The following EXOC6 variants were observed in gnomAD, a reference collection of about 807,000 sequenced individuals.
EXOC6 encodes exocyst complex component 6, also known as SEC15-like 1.
EXOC6 carries 60 observed loss-of-function variants against 112.5 expected under a neutral mutation model. That is an observed-to-expected ratio of 0.53 (90% CI 0.43 to 0.66). The LOEUF is 0.66. Ranked by LOEUF, EXOC6 falls within the 30% of genes least tolerant of loss-of-function variation. The pLI, the probability that EXOC6 is intolerant of heterozygous loss-of-function variation, is 0.00. For missense variants in EXOC6, 855 were observed against 957.1 expected (o/e 0.89, Z 1.41); for synonymous variants, 295 against 308.0 (o/e 0.96, Z 0.44).
intron 5 of EXOC6, among the ~76,000 whole-genome samples, chr10:92,904,452 C>T (rs1419276625): frequency 6.6e-6 from 1 of 152,050 alleles, no homozygotes; most frequent in Non-Finnish European, 1.5e-5. Flanking sequence ...CCACATCCTC[C>T]ACAGGATTTA....
Position 92,952,503 on chromosome 10 carries a change from G to A in EXOC6, c.1526+121G>A. ...TTTTAGATTCATGGGGTACATGTTT[G>A]TTATAGGGGCATATTGTGTAATGCT... On this transcript the variant is annotated intron_variant, in intron 15 of 21. Coordinates refer to ENST00000260762, the MANE Select transcript of EXOC6 (RefSeq NM_019053.6). 7 of 685,764 alleles carry A rather than the reference G, an allele frequency of 1.0e-5. No individual in the cohort carries two copies. The South Asian group carries it at 1.2e-4, about 12-fold the overall frequency. The allele number at this position is 685,764 out of a possible 1,614,324, so 42.5% of individuals were successfully genotyped here. A position where few individuals can be genotyped will look rare whatever the true frequency, so the allele number is the denominator to read the frequency against.
At chr10:92,973,994 T>A in intron 17 of EXOC6, 59 bp from the exon 18 acceptor site, 1 of 1,297,200 alleles carries the variant, frequency 7.7e-7, no homozygotes, top group Non-Finnish European at 1.1e-6. Context: ...TCTAGAATTG[T>A]AAGAACACTT....
At chr10:93,045,099 C>T (rs1269217970) in intron 20 of EXOC6, among the ~76,000 whole-genome samples, 1 of 152,206 alleles carries the variant, frequency 6.6e-6, no homozygotes, top group Non-Finnish European at 1.5e-5. Flanking sequence ...TTTCAAACTT[C>T]TGGCCTCAAG....
At chr10:92,849,041 G>A (rs1441135994) in intron 1 of EXOC6, among the ~76,000 whole-genome samples, 1 of 152,096 alleles carries the variant, frequency 6.6e-6, no homozygotes. Context: ...GGCTAGGGTC[G>A]ACAGCAGGCA....
chr10:92,960,906 C>T (rs946171841), intron 17 of EXOC6, among the ~76,000 whole-genome samples: 1 of 152,120 alleles, frequency 6.6e-6, no homozygotes, highest in African/African-American at 2.4e-5. Flanking sequence ...GAATTTACTA[C>T]ACCTTATTTA....
intron 6 of EXOC6, among the ~76,000 whole-genome samples, chr10:92,912,612 G>A (rs114288744): frequency 6.6e-6 from 1 of 152,296 alleles, no homozygotes; most frequent in African/African-American, 2.4e-5. Flanking sequence ...AATACAGTGT[G>A]TGCATCAGTA....
chr10:93,008,040 G>T (rs1020196652), intron 19 of EXOC6, among the ~76,000 whole-genome samples: 2 of 152,120 alleles, frequency 1.3e-5, no homozygotes, highest in African/African-American at 4.8e-5. Context: ...GGGCCTGGTG[G>T]TGCATGCCTG....
intron 20 of EXOC6, among the ~76,000 whole-genome samples, chr10:93,036,150 G>A (rs1334075813): frequency 1.3e-5 from 2 of 151,010 alleles, no homozygotes; most frequent in Non-Finnish European, 3.0e-5. Context: ...CCTGGGAGGT[G>A]GAGGTTGCAG....
At chr10:92,880,648 C>G (rs1848916031) in intron 1 of EXOC6, among the ~76,000 whole-genome samples, 1 of 151,890 alleles carries the variant, frequency 6.6e-6, no homozygotes, top group Non-Finnish European at 1.5e-5. Flanking sequence ...GTAATATAAA[C>G]CTTGTGTTAA....
At chr10:93,022,108 A>G (rs1844820090) in intron 20 of EXOC6, among the ~76,000 whole-genome samples, 1 of 152,222 alleles carries the variant, frequency 6.6e-6, no homozygotes, top group Non-Finnish European at 1.5e-5. Flanking sequence ...TATATAGCTC[A>G]CTAGGGAATC....
chr10:92,977,213 G>C (rs1030649602), intron 18 of EXOC6, among the ~76,000 whole-genome samples: 1 of 151,940 alleles, frequency 6.6e-6, no homozygotes, highest in Admixed American at 6.6e-5. Context: ...GGCATAAGTA[G>C]GTTAATCTGG....
At chr10:92,862,721 A>G (rs140319312) in intron 1 of EXOC6, among the ~76,000 whole-genome samples, 4 of 152,350 alleles carry the variant, frequency 2.6e-5, no homozygotes, top group African/African-American at 9.6e-5. Flanking sequence ...TACTCTTTTT[A>G]TGGCTGAATA....
upstream of EXOC6, among the ~76,000 whole-genome samples, chr10:92,834,544 T>C (rs1175447248): frequency 1.3e-5 from 2 of 152,234 alleles, no homozygotes; most frequent in Non-Finnish European, 2.9e-5. Flanking sequence ...CAGCAACAGC[T>C]GTGCAACATT....
At chr10:92,856,734 AT>A (rs1564775815) in intron 1 of EXOC6, among the ~76,000 whole-genome samples, 1 of 152,106 alleles carries the variant, frequency 6.6e-6, no homozygotes, top group East Asian at 1.9e-4. Context: ...CACGTCTCCT[AT>A]TCCCTTTTGG....
At chr10:92,896,392 T>G (rs1359817501) in intron 4 of EXOC6, among the ~76,000 whole-genome samples, 1 of 149,250 alleles carries the variant, frequency 6.7e-6, no homozygotes, top group African/African-American at 2.5e-5. Flanking sequence ...AGGTGGGGTT[T>G]CACTATTTTG....
intron 1 of EXOC6, among the ~76,000 whole-genome samples, chr10:92,838,280 C>A (rs1469239423): frequency 6.6e-6 from 1 of 152,172 alleles, no homozygotes; most frequent in Non-Finnish European, 1.5e-5. Context: ...GCCTATAATG[C>A]CTTTCACCCC....
chr10:92,880,714 A>G (rs1848920585), intron 1 of EXOC6, among the ~76,000 whole-genome samples: 1 of 152,098 alleles, frequency 6.6e-6, no homozygotes, highest in African/African-American at 2.4e-5. Context: ...CTATTTATGA[A>G]ATTAACATTA....
chr10:92,959,048 C>A (rs1853846477), intron 17 of EXOC6, among the ~76,000 whole-genome samples: 1 of 151,892 alleles, frequency 6.6e-6, no homozygotes, highest in Admixed American at 6.6e-5. Flanking sequence ...GAGCCGAGAT[C>A]ATACCACTGC....
chr10:92,879,246 C>T (rs1848830164), intron 1 of EXOC6, among the ~76,000 whole-genome samples: 1 of 152,188 alleles, frequency 6.6e-6, no homozygotes, highest in African/African-American at 2.4e-5. Flanking sequence ...CTTTGGAAGG[C>T]TGAGACTGGA....
Sources: allele counts gnomAD v4.1 joint callset (sites outside exome capture counted in the v4.1 genomes callset), GRCh38; gene constraint gnomAD v4.1.1; transcripts MANE v1.5; gene names NCBI Gene and HGNC (gene_info 2026-07-23, HGNC 2026-07-21).